Variants in NPTN observed in about 807,000 individuals in gnomAD.
The protein encoded by NPTN is SDR-1.
Under a neutral mutation model 42.7 loss-of-function variants are expected in NPTN, and 5 were observed. The observed-to-expected ratio is 0.12, with a 90% CI of 0.06 to 0.25. The LOEUF (loss-of-function observed/expected upper bound fraction) is 0.25, where lower values mean the gene tolerates loss of function less well. Ranked by LOEUF, NPTN falls within the 10% of genes least tolerant of loss-of-function variation. NPTN has a pLI of 1.00. For missense variants in NPTN, 307 were observed against 525.4 expected (o/e 0.58, Z 4.06); for synonymous variants, 180 against 201.9 (o/e 0.89, Z 0.92).
chr15:73,575,910 C>T (rs986363637), intron 4 of NPTN, among the ~76,000 whole-genome samples: 1 of 152,184 alleles, frequency 6.6e-6, no homozygotes, highest in African/African-American at 2.4e-5. Flanking sequence ...CTAGATAGTA[C>T]GTTTCAAAGG....
intron 3 of NPTN, among the ~76,000 whole-genome samples, chr15:73,590,500 G>A (rs1013586063): frequency 1.3e-5 from 2 of 151,878 alleles, no homozygotes; most frequent in Non-Finnish European, 2.9e-5. Context: ...AGTGGCTCAC[G>A]CCTGTAATTC....
chr15:73,585,568 G>A (rs1896277493), intron 4 of NPTN, among the ~76,000 whole-genome samples: 1 of 152,138 alleles, frequency 6.6e-6, no homozygotes, highest in African/African-American at 2.4e-5. Flanking sequence ...ATCCATAACT[G>A]GGAAGACAAG....
chr15:73,630,368 G>C (rs925395166), intron 1 of NPTN, among the ~76,000 whole-genome samples: 1 of 152,176 alleles, frequency 6.6e-6, no homozygotes, highest in Admixed American at 6.5e-5. Flanking sequence ...TAATGCTTTT[G>C]AATGTCTTAT....
Sources: allele counts gnomAD v4.1 joint callset (sites outside exome capture counted in the v4.1 genomes callset), GRCh38; gene constraint gnomAD v4.1.1; transcripts MANE v1.5; gene names NCBI Gene and HGNC (gene_info 2026-07-23, HGNC 2026-07-21).